Variants in RBFOX3 observed in about 807,000 individuals in gnomAD.
RBFOX3 encodes RNA binding protein fox-1 homolog 3.
Under a neutral mutation model 48.7 loss-of-function variants are expected in RBFOX3, and 17 were observed. That is an observed-to-expected ratio of 0.35 (90% CI 0.24 to 0.52). The LOEUF (loss-of-function observed/expected upper bound fraction) is 0.52. Ranked by LOEUF, RBFOX3 falls within the 20% of genes least tolerant of loss-of-function variation. The pLI is 0.94. For missense variants in RBFOX3, 382 were observed against 497.5 expected, an observed-to-expected ratio of 0.77 and a Z score of 2.21; for synonymous variants, 212 against 209.5, an observed-to-expected ratio of 1.01 and a Z score of -0.10.
rs771129435 is a variant in RBFOX3, at chr17:79,101,577, C to T, written c.568+7G>A. Reference sequence around the variant, plus strand: ...CAGCAGCCTTGTGGGGGGACCCAGCCCCTTACCGTTGGTGTAGGGGTTCCC... The same window carrying T: ...CAGCAGCCTTGTGGGGGGACCCAGCTCCTTACCGTTGGTGTAGGGGTTCCC... On this transcript the variant is annotated splice_region_variant and intron_variant, in intron 9 of 14. Transcript: ENST00000693108. 33 of 1,550,646 alleles carry T rather than the reference C, an allele frequency of 2.1e-5. No individual in the cohort carries two copies. Among genetic ancestry groups the T allele is most frequent in the Admixed American group, 5.9e-5 (3 of 50,990 alleles).
chr17:79,145,852 G>A (rs753444750), intron 4 of RBFOX3, among the ~76,000 whole-genome samples: 4 of 152,140 alleles, frequency 2.6e-5, no homozygotes, highest in Non-Finnish European at 2.9e-5. Context: ...GTAGGTCAGC[G>A]TCTCCAACCT....
intron 4 of RBFOX3, among the ~76,000 whole-genome samples, chr17:79,158,622 T>C (rs759745354): frequency 5.9e-5 from 9 of 152,166 alleles, no homozygotes; most frequent in South Asian, 2.1e-4. Flanking sequence ...CCGACAGCCC[T>C]TGCTAAGGAC....
chr17:79,142,791 G>T (rs2042168666), intron 4 of RBFOX3, among the ~76,000 whole-genome samples: 1 of 152,078 alleles, frequency 6.6e-6, no homozygotes. Flanking sequence ...CAGGGGCAGG[G>T]ACACAGCCCC....
intron 2 of RBFOX3, among the ~76,000 whole-genome samples, chr17:79,413,946 T>G (rs1004315672): frequency 7.7e-5 from 11 of 142,508 alleles, no homozygotes; most frequent in South Asian, 2.3e-4. Context: ...GCTCTGGGGG[T>G]AGGAGAGGGG....
chr17:79,277,278 GCCTCCAA>G, intron 3 of RBFOX3, among the ~76,000 whole-genome samples: 1 of 117,140 alleles, frequency 8.5e-6, no homozygotes, highest in Non-Finnish European at 1.8e-5. Context: ...GGCCTCCAAG[GCCTCCAA>G]GGATTCCAAT....
chr17:79,571,480 A>G (rs974308107), intron 1 of RBFOX3, among the ~76,000 whole-genome samples: 13 of 151,714 alleles, frequency 8.6e-5, no homozygotes, highest in Admixed American at 2.6e-4. Context: ...AAGAAGTGTC[A>G]TAAGTGTTTT....
At chr17:79,497,508 C>T (rs1417650146) in intron 1 of RBFOX3, among the ~76,000 whole-genome samples, 1 of 152,194 alleles carries the variant, frequency 6.6e-6, no homozygotes, top group African/African-American at 2.4e-5. Context: ...TACTAGGAGA[C>T]CTGCCTCGGT....
At chr17:79,559,173 T>G (rs1296078893) in intron 1 of RBFOX3, among the ~76,000 whole-genome samples, 1 of 152,186 alleles carries the variant, frequency 6.6e-6, no homozygotes, top group Non-Finnish European at 1.5e-5. Context: ...GGGTTGTCTG[T>G]CTTTTTTTCC....
At chr17:79,201,232 G>C (rs904626876) in intron 4 of RBFOX3, among the ~76,000 whole-genome samples, 1 of 152,036 alleles carries the variant, frequency 6.6e-6, no homozygotes, top group Non-Finnish European at 1.5e-5. Flanking sequence ...GCTCTCTCCT[G>C]GTCTCCAGGT....
intron 2 of RBFOX3, among the ~76,000 whole-genome samples, chr17:79,330,278 T>C (rs1476002492): frequency 6.6e-6 from 1 of 152,082 alleles, no homozygotes; most frequent in Admixed American, 6.6e-5. Flanking sequence ...GAGGTGAAAT[T>C]GAAGGGTTTG....
chr17:79,230,109 G>GCCC (rs1159671522), intron 4 of RBFOX3, among the ~76,000 whole-genome samples: 1 of 151,976 alleles, frequency 6.6e-6, no homozygotes, highest in Non-Finnish European at 1.5e-5. Context: ...GGGGGGTGCC[G>GCCC]CCCAGAGGCA....
At chr17:79,569,120 T>C (rs1159472663) in intron 1 of RBFOX3, among the ~76,000 whole-genome samples, 1 of 152,152 alleles carries the variant, frequency 6.6e-6, no homozygotes, top group Non-Finnish European at 1.5e-5. Context: ...AAACCATTTT[T>C]CAGTGTACAA....
intron 4 of RBFOX3, among the ~76,000 whole-genome samples, chr17:79,159,663 C>A (rs1245398536): frequency 6.6e-6 from 1 of 152,218 alleles, no homozygotes; most frequent in Non-Finnish European, 1.5e-5. Flanking sequence ...CAGGACCGTG[C>A]CCACGCCTGG....
rs565077554 is a variant in RBFOX3 at position 79,302,382 on chromosome 17, A to G, written c.-74+5342T>C. Among the ~76,000 whole-genome samples, 4 of 152,324 alleles carry G rather than the reference A, an allele frequency of 2.6e-5. No individual in the cohort carries two copies. The South Asian group carries it at 8.3e-4, about 32-fold the overall frequency. ...GTTTCTGGTTCCTGGCAAGCACTAC[A>G]GAAATAGACAGTGTTGGCCAGGTGT... On this transcript the variant is annotated intron_variant, in intron 3 of 14. Coordinates refer to ENST00000693108, the MANE Select transcript of RBFOX3 (RefSeq NM_001350451.2).
At chr17:79,288,286 C>T (rs779590086) in intron 3 of RBFOX3, among the ~76,000 whole-genome samples, 4 of 152,182 alleles carry the variant, frequency 2.6e-5, no homozygotes, top group Non-Finnish European at 4.4e-5. Context: ...GATCCCTGCC[C>T]CCAGATACCA....
intron 1 of RBFOX3, among the ~76,000 whole-genome samples, chr17:79,494,897 G>C (rs1343326296): frequency 6.6e-6 from 1 of 152,360 alleles, no homozygotes; most frequent in Non-Finnish European, 1.5e-5. Flanking sequence ...CCACGCAGGA[G>C]CCATGCAGAG....
chr17:79,607,980 C>T (rs910574132), intron 1 of RBFOX3, among the ~76,000 whole-genome samples: 24 of 152,300 alleles, frequency 1.6e-4, no homozygotes, highest in African/African-American at 5.3e-4. Flanking sequence ...ATTACCTCTT[C>T]GCAGGCCCTG....
chr17:79,554,737 T>C (rs2091482130), intron 1 of RBFOX3, among the ~76,000 whole-genome samples: 1 of 152,376 alleles, frequency 6.6e-6, no homozygotes, highest in South Asian at 2.1e-4. Flanking sequence ...TTTGATGTAA[T>C]ATACAATCAT....
chr17:79,101,365 T>C (rs547559461), intron 9 of RBFOX3, among the ~76,000 whole-genome samples: 2 of 152,220 alleles, frequency 1.3e-5, no homozygotes, highest in East Asian at 3.9e-4. Flanking sequence ...GCTGACTGTA[T>C]GGGGCCATGA....
Sources: gnomAD v4.1 joint callset for allele counts (sites outside exome capture counted in the v4.1 genomes callset) on GRCh38, gnomAD v4.1.1 for gene constraint, MANE v1.5 for transcripts, NCBI Gene and HGNC (gene_info 2026-07-23, HGNC 2026-07-21) for gene names.